The following GAS7 variants were observed in gnomAD, a reference collection of about 807,000 sequenced individuals.
GAS7 encodes the protein growth arrest specific 7.
Under a neutral mutation model 71.1 loss-of-function variants are expected in GAS7, and 28 were observed. The observed-to-expected ratio is 0.39, with a 90% CI of 0.29 to 0.54. The LOEUF is 0.54. Ranked by LOEUF, GAS7 falls within the 20% of genes least tolerant of loss-of-function variation. The pLI, the probability that GAS7 is intolerant of heterozygous loss-of-function variation, is 0.62. For synonymous variants in GAS7, 258 were observed against 245.8 expected (o/e 1.05, Z -0.46); for missense variants, 436 against 627.8 (o/e 0.69, Z 3.27).
At chr17:10,074,431 G>A (rs1328546963) in intron 1 of GAS7, among the ~76,000 whole-genome samples, 1 of 152,094 alleles carries the variant, frequency 6.6e-6, no homozygotes, top group Non-Finnish European at 1.5e-5. Flanking sequence ...CAAAACCCTG[G>A]AAGGGTTTCA....
At chr17:10,140,326 G>T (rs1401505900) in intron 1 of GAS7, among the ~76,000 whole-genome samples, 2 of 152,140 alleles carry the variant, frequency 1.3e-5, no homozygotes, top group African/African-American at 4.8e-5. Context: ...GCCAGGCATG[G>T]TGGGGCATGC....
intron 1 of GAS7, among the ~76,000 whole-genome samples, chr17:10,093,315 C>T (rs750077159): frequency 3.9e-5 from 6 of 152,144 alleles, no homozygotes; most frequent in Non-Finnish European, 7.3e-5. Flanking sequence ...TGGTGGCTCA[C>T]GCCTGTAATC....
At chr17:9,940,704 G>C (rs1597492419) in intron 7 of GAS7, among the ~76,000 whole-genome samples, 1 of 152,154 alleles carries the variant, frequency 6.6e-6, no homozygotes, top group South Asian at 2.1e-4. Context: ...AAGCCTGCTG[G>C]GTACAAGTAC....
intron 1 of GAS7, among the ~76,000 whole-genome samples, chr17:10,106,833 C>A (rs2073761582): frequency 6.6e-6 from 1 of 152,012 alleles, no homozygotes; most frequent in Non-Finnish European, 1.5e-5. Flanking sequence ...GTGAATGTTA[C>A]CTTATATGGC....
intron 1 of GAS7, among the ~76,000 whole-genome samples, chr17:10,056,363 T>C (rs1223540935): frequency 2.0e-5 from 3 of 152,002 alleles, no homozygotes; most frequent in Non-Finnish European, 4.4e-5. Context: ...GGCATGATGG[T>C]GCACACCTGT....
chr17:10,060,591 G>A lies in GAS7; in HGVS notation c.184-40694C>T, dbSNP rs576475727. On this transcript the variant is annotated intron_variant, in intron 1 of 13. Coordinates refer to ENST00000432992, the MANE Select transcript of GAS7 (RefSeq NM_201433.2). Reference sequence around the variant, plus strand: ...CTAGATTCTGGTCTTCAAGGAGCTAGGGGCCTTGAACAAATCTTGGACCTT... The same window carrying A: ...CTAGATTCTGGTCTTCAAGGAGCTAAGGGCCTTGAACAAATCTTGGACCTT... Among the ~76,000 whole-genome samples the A allele has an allele frequency of 2.4e-4, 37 of 152,188 alleles. 1 individual carries two copies. The highest frequency in any genetic ancestry group is 2.3e-3 in the Admixed American group (35 of 15,296).
intron 1 of GAS7, among the ~76,000 whole-genome samples, chr17:10,055,687 T>C (rs1258108731): frequency 6.6e-6 from 1 of 152,242 alleles, no homozygotes; most frequent in East Asian, 1.9e-4. Flanking sequence ...CAAAGTCTGG[T>C]TCACAATAAA....
intron 1 of GAS7, among the ~76,000 whole-genome samples, chr17:10,165,291 CAAAAAAAAAAA>C (rs71365731): frequency 3.9e-5 from 3 of 77,662 alleles, no homozygotes; most frequent in Middle Eastern, 7.1e-3. Flanking sequence ...GATTCCTTCT[CAAAAAAAAAAA>C]AAAAAAAAAG....
chr17:10,115,423 C>A (rs2073852201), intron 1 of GAS7, among the ~76,000 whole-genome samples: 3 of 152,182 alleles, frequency 2.0e-5, no homozygotes, highest in Admixed American at 2.0e-4. Flanking sequence ...CACCTCCTCC[C>A]CAACTCAGGA....
intron 3 of GAS7, among the ~76,000 whole-genome samples, chr17:9,977,584 A>T (rs182087865): frequency 3.2e-3 from 482 of 152,322 alleles, no homozygotes; most frequent in Non-Finnish European, 5.8e-3. Context: ...GGTCTCACCC[A>T]GAAAGCCTGG....
chr17:10,095,678 G>T (rs1444596135), intron 1 of GAS7, among the ~76,000 whole-genome samples: 4 of 151,758 alleles, frequency 2.6e-5, no homozygotes, highest in Non-Finnish European at 4.4e-5. Flanking sequence ...AAATTAGCTG[G>T]GCATGGTGGT....
At chr17:9,990,862 G>C (rs2070815294) in intron 2 of GAS7, among the ~76,000 whole-genome samples, 1 of 152,172 alleles carries the variant, frequency 6.6e-6, no homozygotes, top group Non-Finnish European at 1.5e-5. Flanking sequence ...ATACTCTAAG[G>C]TCTGAGAATC....
At chr17:10,097,410 T>C (rs2073652400) in intron 1 of GAS7, among the ~76,000 whole-genome samples, 3 of 152,180 alleles carry the variant, frequency 2.0e-5, no homozygotes, top group Non-Finnish European at 4.4e-5. Context: ...CTGCCAGGTA[T>C]AGATCTTACA....
chr17:9,926,820 G>A lies in GAS7; in HGVS notation c.886-51C>T, dbSNP rs768456410. The A allele has an allele frequency of 4.4e-6, 7 of 1,606,600 alleles. No individual in the cohort carries two copies. The highest frequency in any genetic ancestry group is 6.0e-6 in the Non-Finnish European group (7 of 1,173,472). On this transcript the variant is annotated intron_variant, in intron 9 of 13. Transcript: ENST00000432992. This position sits in a 1 kb window ranked among gnomAD's most constrained non-coding sequence, Gnocchi z 5.0. ...TCAGGACCCAGGGCATCAGCTGTAA[G>A]CCAGTGCAGGGAGGAGGGATGGGAG...
rs1295190750 is a variant in GAS7, at chr17:10,137,283, T to A, written c.183+60925A>T. On this transcript the variant is annotated intron_variant, in intron 1 of 13. Coordinates refer to ENST00000432992, the MANE Select transcript of GAS7 (RefSeq NM_201433.2). ...TTCCATATGGCTCATTCCCTCTCCA[T>A]TAAGTTCTCTGCTCCAATGTCACCT... Among the ~76,000 whole-genome samples, 8 of 152,240 alleles carry A rather than the reference T, an allele frequency of 5.3e-5. No homozygotes were observed. In the South Asian group the frequency reaches 1.7e-3, roughly 32 times the overall value.
chr17:10,130,091 C>G (rs1285103083), intron 1 of GAS7, among the ~76,000 whole-genome samples: 2 of 151,746 alleles, frequency 1.3e-5, no homozygotes, highest in Admixed American at 6.6e-5. Context: ...ATCTCTTGGA[C>G]CCGGGAGGTG....
Position 9,926,674 on chromosome 17 carries a change from C to T in GAS7, c.981G>A (p.Lys327=), listed in dbSNP as rs1262319884. ...CCGAGGCATAGCGGCTGGCGAGCTG[C>T]TTGCGAAGGTCGGCAATGTGGTGGT... ...KCDHHIADLR[K]QLASRYASVE... is the part of the protein sequence containing the mutation. The change falls in exon 10 of 14, where the codon AAG becomes AAA. Residue 327 remains lysine (K), a synonymous_variant. Transcript: ENST00000432992. The surrounding 1 kb of genome is among the most constrained non-coding windows in gnomAD (Gnocchi z 5.0). 1.2e-6 allele frequency: 2 copies of T among 1,613,806 alleles called. No homozygotes were observed. Among genetic ancestry groups the T allele is most frequent in the East Asian group, 2.2e-5 (1 of 44,870 alleles).
At chr17:9,931,745 G>C (rs1256271654) in intron 9 of GAS7, among the ~76,000 whole-genome samples, 1 of 152,202 alleles carries the variant, frequency 6.6e-6, no homozygotes. Flanking sequence ...CACTGGCTGG[G>C]AATTCTCACT....
In GAS7 at chr17:9,963,566, C is replaced by T. The variant is rs140059478; in HGVS notation, c.472-4311G>A. Among the ~76,000 whole-genome samples, 598 of 152,082 alleles carry T rather than the reference C, an allele frequency of 3.9e-3. 6 individuals are homozygous for T. The highest frequency in any genetic ancestry group is 0.014 in the African/African-American group (575 of 41,452). On this transcript the variant is annotated intron_variant, in intron 4 of 13. Transcript: ENST00000432992. ...AGGGATCCTGGACTGGGGAGAAAAGCAGCCATAAAAGGGATTTGGGGGCCA... is the reference window on the plus strand; with the variant it reads ...AGGGATCCTGGACTGGGGAGAAAAGTAGCCATAAAAGGGATTTGGGGGCCA...
Sources: allele counts gnomAD v4.1 joint callset (sites outside exome capture counted in the v4.1 genomes callset), GRCh38; gene constraint gnomAD v4.1.1; non-coding constraint Gnocchi (gnomAD v3.1); transcripts MANE v1.5; gene names NCBI Gene and HGNC (gene_info 2026-07-23, HGNC 2026-07-21).